Variants in DCDC1 observed in about 807,000 individuals in gnomAD.
DCDC1 encodes the protein doublecortin domain-containing protein 1.
Under a neutral mutation model 178.3 loss-of-function variants are expected in DCDC1, and 200 were observed. The observed-to-expected ratio is 1.12, with a 90% CI of 1.00 to 1.26. The LOEUF is 1.26. Ranked by LOEUF, DCDC1 falls within the 50% of genes most tolerant of loss-of-function variation. The probability of loss-of-function intolerance (pLI) is 0.00; values close to 1 mark genes in which losing one functional copy is unlikely to be tolerated. For missense variants in DCDC1, 1,983 were observed against 1,749.2 expected, an observed-to-expected ratio of 1.13 and a Z score of -2.38; for synonymous variants, 690 against 604.8, an observed-to-expected ratio of 1.14 and a Z score of -2.07.
At chr11:31,219,050 C>G (rs1973932952) in intron 9 of DCDC1, among the ~76,000 whole-genome samples, 1 of 152,036 alleles carries the variant, frequency 6.6e-6, no homozygotes, top group Non-Finnish European at 1.5e-5. Flanking sequence ...GAACGGAGCT[C>G]CGAAGGCTGG....
chr11:31,018,297 G>A (rs1952625054), intron 20 of DCDC1, among the ~76,000 whole-genome samples: 1 of 152,184 alleles, frequency 6.6e-6, no homozygotes, highest in Admixed American at 6.5e-5. Context: ...TCAAAACGCT[G>A]GGACTCATAT....
intron 9 of DCDC1, among the ~76,000 whole-genome samples, chr11:31,181,913 G>C (rs1351706640): frequency 6.6e-6 from 1 of 152,144 alleles, no homozygotes; most frequent in Non-Finnish European, 1.5e-5. Context: ...TGATGGAGCT[G>C]AAAAACACAG....
chr11:30,933,732 C>T (rs925044057), intron 21 of DCDC1, among the ~76,000 whole-genome samples: 3 of 152,124 alleles, frequency 2.0e-5, no homozygotes, highest in African/African-American at 4.8e-5. Flanking sequence ...AAAGAATGGA[C>T]GTAGAGGCAC....
chr11:31,244,430 A>G (rs570628432), intron 8 of DCDC1, among the ~76,000 whole-genome samples: 1 of 151,650 alleles, frequency 6.6e-6, no homozygotes, highest in Non-Finnish European at 1.5e-5. Flanking sequence ...TGTCCTTCCA[A>G]CCATGTGCTT....
chr11:31,079,195 G>A (rs191756859), intron 17 of DCDC1, among the ~76,000 whole-genome samples: 43 of 152,238 alleles, frequency 2.8e-4, no homozygotes, highest in African/African-American at 1.0e-3. Flanking sequence ...AGGAGCTGGA[G>A]AATGAGTTAA....
At chr11:31,054,252 A>T (rs1955444657) in intron 20 of DCDC1, among the ~76,000 whole-genome samples, 1 of 151,834 alleles carries the variant, frequency 6.6e-6, no homozygotes. Context: ...AAGAAAAAAA[A>T]AAAAAACAAC....
chr11:30,906,554 T>C lies in DCDC1; in HGVS notation c.4090A>G (p.Ile1364Val), dbSNP rs376717271. 7 of 1,612,936 alleles carry C rather than the reference T, an allele frequency of 4.3e-6. No individual in the cohort carries two copies. Among genetic ancestry groups the C allele is most frequent in the African/African-American group, 1.3e-5 (1 of 75,018 alleles). ...TCATTACATACCTCAGCCACACTGA[T>C]GACCTTGAAGGGCCCTTGTAAGAAG... Reference protein sequence around the residue: ...KPFLQGPFKVISVAEVDLSCD... With the variant: ...KPFLQGPFKVVSVAEVDLSCD... The change falls in exon 30 of 39, where the codon ATC (isoleucine) becomes GTC (valine). Residue 1364 changes from isoleucine to valine, a missense_variant. Physicochemically the swap from Ile to Val is conservative, Grantham distance 29. Coordinates refer to ENST00000684477, the MANE Select transcript of DCDC1 (RefSeq NM_001387274.1).
chr11:31,204,792 A>AG (rs891931403), intron 9 of DCDC1, among the ~76,000 whole-genome samples: 7 of 152,370 alleles, frequency 4.6e-5, no homozygotes, highest in African/African-American at 1.7e-4. Flanking sequence ...ACTGCACTCT[A>AG]GCCTGGGCAA....
rs761940979 is a variant in DCDC1 at position 30,931,944 on chromosome 11, A to G, written c.2724T>C (p.Asp908=). Reference sequence around the variant, plus strand: ...GAACAAGCAGTCCTTGTATTGGCCAATCAAACTCCTTCAGAAAGAAATGAC... The same window carrying G: ...GAACAAGCAGTCCTTGTATTGGCCAGTCAAACTCCTTCAGAAAGAAATGAC... The part of the protein sequence containing the change: ...LPSGQLNEEF[D]WPIQGLLVPS... Residue 908 remains aspartate (D), a synonymous_variant, in exon 22 of 39, where the codon GAT becomes GAC. Coordinates refer to ENST00000684477, the MANE Select transcript of DCDC1 (RefSeq NM_001387274.1). 1.2e-6 allele frequency: 2 copies of G among 1,602,706 alleles called. No homozygotes were observed. The highest frequency in any genetic ancestry group is 1.1e-5 in the South Asian group (1 of 88,582).
intron 20 of DCDC1, among the ~76,000 whole-genome samples, chr11:30,960,097 A>C (rs1254310305): frequency 1.3e-5 from 2 of 152,156 alleles, no homozygotes; most frequent in Non-Finnish European, 2.9e-5. Flanking sequence ...ATGCCATAAA[A>C]GAGTCTAAAT....
chr11:31,263,542 T>G (rs1401750027), intron 8 of DCDC1, among the ~76,000 whole-genome samples: 1 of 152,212 alleles, frequency 6.6e-6, no homozygotes, highest in Non-Finnish European at 1.5e-5. Flanking sequence ...TGAAAAATAG[T>G]TATGATATCT....
At chr11:31,021,737 T>G (rs567537095) in intron 20 of DCDC1, among the ~76,000 whole-genome samples, 1 of 152,186 alleles carries the variant, frequency 6.6e-6, no homozygotes, top group African/African-American at 2.4e-5. Flanking sequence ...ATTTAAAAAT[T>G]TGGTGGTGAG....
chr11:31,005,521 A>G (rs2135064511), intron 20 of DCDC1, among the ~76,000 whole-genome samples: 1 of 152,288 alleles, frequency 6.6e-6, no homozygotes, highest in African/African-American at 2.4e-5. Flanking sequence ...ATTTCAATTC[A>G]ACCTACTTCA....
chr11:31,046,070 A>G (rs1954817596), intron 20 of DCDC1, among the ~76,000 whole-genome samples: 2 of 152,196 alleles, frequency 1.3e-5, no homozygotes, highest in African/African-American at 2.4e-5. Flanking sequence ...ACACATCACA[A>G]TCAAGACACT....
intron 20 of DCDC1, among the ~76,000 whole-genome samples, chr11:30,997,384 A>G (rs1178361138): frequency 1.3e-5 from 2 of 152,198 alleles, no homozygotes; most frequent in African/African-American, 4.8e-5. Context: ...AAAATGAAAT[A>G]CAGCTTTTGA....
intron 1 of DCDC1, among the ~76,000 whole-genome samples, chr11:31,354,515 T>C (rs1246740005): frequency 6.6e-6 from 1 of 152,234 alleles, no homozygotes; most frequent in Non-Finnish European, 1.5e-5. Flanking sequence ...GGGGAAATTA[T>C]TTTGGTAATT....
chr11:31,228,644 T>C (rs1234142799), intron 9 of DCDC1, among the ~76,000 whole-genome samples: 2 of 152,018 alleles, frequency 1.3e-5, no homozygotes, highest in South Asian at 4.1e-4. Flanking sequence ...TCAATAAAAT[T>C]AATCAACTCA....
At chr11:30,946,708 G>A (rs931487830) in intron 21 of DCDC1, among the ~76,000 whole-genome samples, 3 of 152,284 alleles carry the variant, frequency 2.0e-5, no homozygotes, top group Non-Finnish European at 4.4e-5. Context: ...AATTAGACAA[G>A]TTGATTGACT....
intron 9 of DCDC1, among the ~76,000 whole-genome samples, chr11:31,186,921 C>A (rs1158948303): frequency 6.6e-6 from 1 of 152,186 alleles, no homozygotes; most frequent in Non-Finnish European, 1.5e-5. Context: ...TCCTCTGCCT[C>A]TCCCATTTTT....
Sources: gnomAD v4.1 joint callset for allele counts (sites outside exome capture counted in the v4.1 genomes callset) on GRCh38, gnomAD v4.1.1 for gene constraint, MANE v1.5 for transcripts, NCBI Gene and HGNC (gene_info 2026-07-23, HGNC 2026-07-21) for gene names.